The following SDK1 variants were observed in gnomAD, a reference collection of about 807,000 sequenced individuals.
The protein encoded by SDK1 is protein sidekick-1.
Under a neutral mutation model 245.5 loss-of-function variants are expected in SDK1, and 157 were observed. The ratio of observed to expected loss-of-function variants is 0.64; its 90% CI spans 0.56 to 0.73. SDK1 has a LOEUF of 0.73. Ranked by LOEUF, SDK1 falls within the 30% of genes least tolerant of loss-of-function variation. The pLI, the probability that SDK1 is intolerant of heterozygous loss-of-function variation, is 0.00. For missense variants in SDK1, 3,583 were observed against 3,002.3 expected, an observed-to-expected ratio of 1.19 and a Z score of -4.52; for synonymous variants, 1,647 against 1,278.5, an observed-to-expected ratio of 1.29 and a Z score of -6.15.
chr7:3,546,217 C>G (rs961605807), intron 1 of SDK1, among the ~76,000 whole-genome samples: 1 of 152,040 alleles, frequency 6.6e-6, no homozygotes. Flanking sequence ...ATGATGACAC[C>G]GCGGGTCTGG....
chr7:3,317,478 C>T (rs1181693291), intron 1 of SDK1, among the ~76,000 whole-genome samples: 1 of 152,140 alleles, frequency 6.6e-6, no homozygotes, highest in Non-Finnish European at 1.5e-5. Context: ...GCCCCTTCAT[C>T]TTCGCTCCTC....
intron 4 of SDK1, among the ~76,000 whole-genome samples, chr7:3,743,643 A>T (rs1241851394): frequency 6.6e-6 from 1 of 152,238 alleles, no homozygotes; most frequent in Non-Finnish European, 1.5e-5. Context: ...TATTTAAGGA[A>T]CATTTGCTAT....
At chr7:3,846,135 T>A (rs1306596317) in intron 5 of SDK1, among the ~76,000 whole-genome samples, 1 of 152,224 alleles carries the variant, frequency 6.6e-6, no homozygotes, top group African/African-American at 2.4e-5. Flanking sequence ...AGAAATGACA[T>A]TCTCTCTTAA....
At chr7:3,319,011 G>C (rs185293612) in intron 1 of SDK1, among the ~76,000 whole-genome samples, 27 of 152,078 alleles carry the variant, frequency 1.8e-4, no homozygotes, top group African/African-American at 6.3e-4. Context: ...TCTGGGGGTG[G>C]CCTGAGGAAG....
chr7:3,888,154 G>A (rs772573203), intron 5 of SDK1, among the ~76,000 whole-genome samples: 1 of 152,206 alleles, frequency 6.6e-6, no homozygotes, highest in Non-Finnish European at 1.5e-5. Flanking sequence ...GATAGATGCC[G>A]CACCTTCTGC....
chr7:3,960,490 C>A (rs116227128), intron 8 of SDK1, among the ~76,000 whole-genome samples: 2 of 152,238 alleles, frequency 1.3e-5, no homozygotes, highest in African/African-American at 4.8e-5. Flanking sequence ...AATGGTGTGT[C>A]ACCCTTCCAG....
At chr7:3,347,944 C>A (rs1780552563) in intron 1 of SDK1, among the ~76,000 whole-genome samples, 1 of 151,102 alleles carries the variant, frequency 6.6e-6, no homozygotes, top group African/African-American at 2.4e-5. Flanking sequence ...AGTGGAGGTT[C>A]ACTTTAAGTG....
intron 35 of SDK1, among the ~76,000 whole-genome samples, chr7:4,200,200 T>G (rs1783809697): frequency 6.6e-6 from 1 of 152,172 alleles, no homozygotes; most frequent in Non-Finnish European, 1.5e-5. Context: ...ATGTGGACCC[T>G]GACAATGGAT....
chr7:3,440,422 G>T (rs1268073648), intron 1 of SDK1, among the ~76,000 whole-genome samples: 1 of 151,988 alleles, frequency 6.6e-6, no homozygotes, highest in Non-Finnish European at 1.5e-5. Flanking sequence ...AAACAGATGT[G>T]TAGGTTTTCT....
intron 1 of SDK1, among the ~76,000 whole-genome samples, chr7:3,368,635 C>A (rs748632560): frequency 6.6e-6 from 1 of 152,146 alleles, no homozygotes; most frequent in African/African-American, 2.4e-5. Flanking sequence ...GAGAGCCTGT[C>A]GGGTGAGTGC....
chr7:3,414,865 T>C (rs1381841549), intron 1 of SDK1, among the ~76,000 whole-genome samples: 1 of 152,184 alleles, frequency 6.6e-6, no homozygotes, highest in African/African-American at 2.4e-5. Context: ...TCACTTAAAA[T>C]AACATTTTAA....
intron 4 of SDK1, among the ~76,000 whole-genome samples, chr7:3,811,936 C>G (rs1779394995): frequency 6.6e-6 from 1 of 152,190 alleles, no homozygotes; most frequent in African/African-American, 2.4e-5. Context: ...GACCTGCGTG[C>G]TTTGTGGTGA....
In SDK1 at chr7:3,987,295, T is replaced by C. The variant is rs775314512; in HGVS notation, c.2104T>C (p.Tyr702His). The change falls in exon 14 of 45, where the codon TAT becomes CAT. Residue 702 changes from tyrosine (Y) to histidine (H), a missense_variant. Transcript: ENST00000404826. ...RPFDGNSPIL[Y>H]YIVELSENNS... ...CTTTGATGGAAACAGTCCTATTCTT[T>C]ATTACATCGTGGAGCTCTCTGAAAA... The C allele has an allele frequency of 6.2e-7, 1 of 1,614,120 alleles. No individual in the cohort carries two copies. The highest frequency in any genetic ancestry group is 1.7e-5 in the Admixed American group (1 of 60,020).
At chr7:3,636,663 C>T (rs746402267) in intron 2 of SDK1, among the ~76,000 whole-genome samples, 34 of 152,204 alleles carry the variant, frequency 2.2e-4, no homozygotes, top group Admixed American at 6.5e-4. Flanking sequence ...CTGCAGTAGA[C>T]GTGGGAGGGC....
chr7:3,930,306 G>C (rs895401900), intron 5 of SDK1, among the ~76,000 whole-genome samples: 35 of 152,194 alleles, frequency 2.3e-4, no homozygotes, highest in African/African-American at 8.4e-4. Context: ...GACTCCCAGA[G>C]CATGGCCAGA....
chr7:3,460,935 G>A (rs1039113286), intron 1 of SDK1, among the ~76,000 whole-genome samples: 2 of 152,216 alleles, frequency 1.3e-5, no homozygotes, highest in Non-Finnish European at 1.5e-5. Context: ...ACAGAGACAC[G>A]TTTCTTACAT....
chr7:4,148,388 G>A (rs892235033), intron 29 of SDK1, among the ~76,000 whole-genome samples: 19 of 152,228 alleles, frequency 1.2e-4, no homozygotes, highest in South Asian at 4.1e-4. Flanking sequence ...GAGGCACAGC[G>A]GCGGCAGATG....
intron 1 of SDK1, among the ~76,000 whole-genome samples, chr7:3,379,725 A>G (rs919802458): frequency 6.6e-6 from 1 of 152,224 alleles, no homozygotes; most frequent in Non-Finnish European, 1.5e-5. Flanking sequence ...GAATTTATGT[A>G]CTGTATGTGA....
chr7:3,788,251 A>G (rs1780968388), intron 4 of SDK1, among the ~76,000 whole-genome samples: 1 of 152,174 alleles, frequency 6.6e-6, no homozygotes, highest in Admixed American at 6.5e-5. Flanking sequence ...AGACACCTTC[A>G]TACGCACGCT....
Sources: gnomAD v4.1 joint callset for allele counts (sites outside exome capture counted in the v4.1 genomes callset) on GRCh38, gnomAD v4.1.1 for gene constraint, MANE v1.5 for transcripts, NCBI Gene and HGNC (gene_info 2026-07-23, HGNC 2026-07-21) for gene names.